The following CACNB2 variants were observed in gnomAD, a reference collection of about 807,000 sequenced individuals.
CACNB2 encodes voltage-dependent L-type calcium channel subunit beta-2.
Under a neutral mutation model 73.3 loss-of-function variants are expected in CACNB2, and 42 were observed. That is an observed-to-expected ratio of 0.57 (90% CI 0.45 to 0.74). The LOEUF (loss-of-function observed/expected upper bound fraction) is 0.74, where lower values mean the gene tolerates loss of function less well. CACNB2 is among the 30% of genes least tolerant of loss of function. The pLI, the probability that CACNB2 is intolerant of heterozygous loss-of-function variation, is 0.00. For synonymous variants in CACNB2, 348 were observed against 310.3 expected (o/e 1.12, Z -1.28); for missense variants, 940 against 853.0 (o/e 1.10, Z -1.27).
At chr10:18,448,280 G>A (rs577163887) in intron 3 of CACNB2, among the ~76,000 whole-genome samples, 2 of 152,036 alleles carry the variant, frequency 1.3e-5, no homozygotes, top group East Asian at 3.9e-4. Flanking sequence ...GACCAGCCTG[G>A]CCAACATGGT....
At chr10:18,496,122 G>C (rs1473244897) in intron 3 of CACNB2, among the ~76,000 whole-genome samples, 1 of 145,458 alleles carries the variant, frequency 6.9e-6, no homozygotes, top group Non-Finnish European at 1.5e-5. Flanking sequence ...GAAGGCAGAG[G>C]TTGCAGTGAG....
chr10:18,283,141 G>GA (rs2038626623), intron 2 of CACNB2, among the ~76,000 whole-genome samples: 1 of 152,186 alleles, frequency 6.6e-6, no homozygotes, highest in Non-Finnish European at 1.5e-5. Context: ...ACACCAGTTA[G>GA]ATGGCAATCA....
chr10:18,311,627 C>T (rs1398086035), intron 2 of CACNB2, among the ~76,000 whole-genome samples: 1 of 152,172 alleles, frequency 6.6e-6, no homozygotes, highest in African/African-American at 2.4e-5. Flanking sequence ...AAAATATATA[C>T]TTACTATTCA....
intron 2 of CACNB2, among the ~76,000 whole-genome samples, chr10:18,275,030 G>C (rs1025366069): frequency 1.3e-5 from 2 of 152,168 alleles, no homozygotes; most frequent in Non-Finnish European, 2.9e-5. Flanking sequence ...GGAGATGAAA[G>C]CTGGCTTTTT....
At chr10:18,464,418 TAAAAAAAAAA>T (rs762982462) in intron 3 of CACNB2, among the ~76,000 whole-genome samples, 2 of 85,298 alleles carry the variant, frequency 2.3e-5, no homozygotes, top group African/African-American at 8.0e-5. Flanking sequence ...TCTCAAAAAT[TAAAAAAAAAA>T]AAAAAAAAAA....
At chr10:18,264,795 C>A (rs2037715688) in intron 2 of CACNB2, among the ~76,000 whole-genome samples, 1 of 152,124 alleles carries the variant, frequency 6.6e-6, no homozygotes, top group Admixed American at 6.5e-5. Flanking sequence ...TGGGTAGTTT[C>A]CAGTTTGGGG....
chr10:18,526,386 T>A (rs1294916664), intron 9 of CACNB2, among the ~76,000 whole-genome samples: 1 of 152,190 alleles, frequency 6.6e-6, no homozygotes, highest in Non-Finnish European at 1.5e-5. Flanking sequence ...CCTCTTGTAT[T>A]GCCTGCAAGA....
At chr10:18,141,141 C>T in intron 1 of CACNB2, 1 of 1,550,292 alleles carries the variant, frequency 6.5e-7, no homozygotes, top group Non-Finnish European at 8.7e-7. Flanking sequence ...CTCCAGCTGG[C>T]CCTCCTCGCC....
chr10:18,289,044 C>G (rs530467259), intron 2 of CACNB2, among the ~76,000 whole-genome samples: 1 of 152,150 alleles, frequency 6.6e-6, no homozygotes, highest in Admixed American at 6.5e-5. Flanking sequence ...GACTCCATCT[C>G]AAAACAAAGA....
intron 2 of CACNB2, among the ~76,000 whole-genome samples, chr10:18,262,313 G>A (rs2037587455): frequency 6.6e-6 from 1 of 151,960 alleles, no homozygotes; most frequent in East Asian, 1.9e-4. Context: ...AAATGGTGAC[G>A]GGGTGGGGTG....
intron 2 of CACNB2, chr10:18,181,992 T>A (rs1189495337): frequency 6.6e-6 from 1 of 152,202 alleles, no homozygotes; most frequent in Non-Finnish European, 1.5e-5. Flanking sequence ...GTTCTCCTAG[T>A]ACGTGGCTTG....
At chr10:18,228,452 A>G (rs1358618870) in intron 2 of CACNB2, among the ~76,000 whole-genome samples, 1 of 147,798 alleles carries the variant, frequency 6.8e-6, no homozygotes, top group Non-Finnish European at 1.5e-5. Flanking sequence ...AAAAAAAAGA[A>G]AAAAAAAAAG....
At chr10:18,432,363 T>C (rs893430760) in intron 3 of CACNB2, among the ~76,000 whole-genome samples, 3 of 152,098 alleles carry the variant, frequency 2.0e-5, no homozygotes, top group Admixed American at 2.0e-4. Flanking sequence ...GCTCATAATC[T>C]TGGTTGTGGT....
At chr10:18,292,972 T>A (rs890899235) in intron 2 of CACNB2, among the ~76,000 whole-genome samples, 3 of 152,128 alleles carry the variant, frequency 2.0e-5, no homozygotes, top group African/African-American at 7.2e-5. Flanking sequence ...GTAGGAAAAA[T>A]AAATAATTCC....
At chr10:18,188,478 A>AT (rs986331538) in intron 2 of CACNB2, among the ~76,000 whole-genome samples, 33 of 152,062 alleles carry the variant, frequency 2.2e-4, no homozygotes, top group African/African-American at 6.3e-4. Context: ...ATGCCTGGCT[A>AT]TTTTTTTATA....
At chr10:18,249,881 T>C (rs2037019577) in intron 2 of CACNB2, among the ~76,000 whole-genome samples, 1 of 152,138 alleles carries the variant, frequency 6.6e-6, no homozygotes. Context: ...GCAAAAGTAT[T>C]TTTTGTTTTC....
chr10:18,498,376 G>A lies in CACNB2; in HGVS notation c.355G>A (p.Val119Ile). 1.2e-6 allele frequency: 2 copies of A among 1,614,110 alleles called. No individual in the cohort carries two copies. Among genetic ancestry groups the A allele is most frequent in the Non-Finnish European group, 1.7e-6 (2 of 1,179,984 alleles). ...KAKTKPVAFA[V>I]RTNVSYSAAH... ...TTAGACAAAGCCCGTTGCATTTGCG[G>A]TTCGGACAAATGTCAGCTACAGTGC... The change falls in exon 4 of 14, where the codon GTT becomes ATT. Residue 119 changes from valine to isoleucine, a missense_variant. Transcript: ENST00000324631.
chr10:18,296,875 C>G lies in CACNB2; in HGVS notation c.214-105049C>G, dbSNP rs866776172. Among the ~76,000 whole-genome samples, 16 of 152,260 alleles carry G rather than the reference C, an allele frequency of 1.1e-4. No homozygotes were observed. In the South Asian group the frequency reaches 2.7e-3, roughly 26 times the overall value. ...TAGAGGCAGATTCTGAGTTTAAATC[C>G]TGATTCTGCTAGTAGTTGTTGACTT... On this transcript the variant is annotated intron_variant, in intron 2 of 13. Transcript: ENST00000324631.
chr10:18,150,880 T>TTTTTTTTTA lies in CACNB2; in HGVS notation c.121-3_121-2insTTTTTTTTA. On this transcript the variant is annotated splice_polypyrimidine_tract_variant and splice_region_variant and intron_variant, in intron 1 of 13. Transcript: ENST00000324631. ...CTTTTTTTTTTTTTTTTTTTTTTTT[T>TTTTTTTTTA]AGTCATATGGAAAAGGAGCCAGAAG... 7.7e-7 allele frequency: 1 copy of TTTTTTTTTA among 1,300,362 alleles called. No homozygotes were observed. The highest frequency in any genetic ancestry group is 1.1e-6 in the Non-Finnish European group (1 of 943,296). The allele number at this position is 1,300,362 out of a possible 1,614,324, so 80.6% of individuals were successfully genotyped here.
Sources: allele counts gnomAD v4.1 joint callset (sites outside exome capture counted in the v4.1 genomes callset), GRCh38; gene constraint gnomAD v4.1.1; transcripts MANE v1.5; gene names NCBI Gene and HGNC (gene_info 2026-07-23, HGNC 2026-07-21).